Variants in SEC24C observed in about 807,000 individuals in gnomAD.
SEC24C encodes SEC24 homolog C, COPII component.
A neutral mutation model predicts 117.0 loss-of-function variants in SEC24C; 22 were observed. The observed-to-expected ratio is 0.19, with a 90% confidence interval of 0.13 to 0.27. The LOEUF (loss-of-function observed/expected upper bound fraction) is 0.27. SEC24C is among the 10% of genes least tolerant of loss of function. The pLI is 1.00. For missense variants in SEC24C, 1,155 were observed against 1,375.1 expected, an observed-to-expected ratio of 0.84 and a Z score of 2.53; for synonymous variants, 506 against 529.4, an observed-to-expected ratio of 0.96 and a Z score of 0.61.
chr10:73,769,514 T>C lies in SEC24C; in HGVS notation c.2563+29T>C, dbSNP rs1396450823. 12 of 1,613,880 alleles carry C rather than the reference T, an allele frequency of 7.4e-6. No individual in the cohort carries two copies. The highest frequency in any genetic ancestry group is 4.5e-5 in the East Asian group (2 of 44,882). On this transcript the variant is annotated intron_variant, in intron 18 of 22. Transcript: ENST00000345254. This position sits in a 1 kb window ranked among gnomAD's most constrained non-coding sequence, Gnocchi z 4.5. ...AGGGTAGAAGCAGGGCAGGGTGGGA[T>C]TGGGGCTGAGAGGTCCAGGATGGTG...
intron 3 of SEC24C, among the ~76,000 whole-genome samples, chr10:73,752,676 G>A (rs1210532600): frequency 3.3e-5 from 5 of 151,898 alleles, no homozygotes; most frequent in Admixed American, 2.0e-4. Context: ...ACATTGGTCC[G>A]TGCTGGGTGC....
chr10:73,746,932 T>C lies in SEC24C; in HGVS notation c.100T>C (p.Ser34Pro), dbSNP rs1431915201. Residue 34 changes from serine (S) to proline (P), a missense_variant, in exon 2 of 23, where the codon TCC becomes CCC. Transcript: ENST00000345254. ...GTCCAGCTATGGTGGGCAATCAGGG[T>C]CCACAGCCCCCGCCATTCCCTATGG... ...HQSSYGGQSGSTAPAIPYGAY... is the reference protein window; with the variant it reads ...HQSSYGGQSGPTAPAIPYGAY... 1 of 1,614,066 alleles carries C rather than the reference T, an allele frequency of 6.2e-7. No homozygotes were observed. The highest frequency in any genetic ancestry group is 1.7e-5 in the Admixed American group (1 of 59,998).
At chr10:73,763,666 G>GAT in intron 7 of SEC24C, 65 bp downstream of exon 7, 2 of 212,426 alleles carry the variant, frequency 9.4e-6, no homozygotes, top group South Asian at 1.2e-4. Flanking sequence ...TATGGTTGGG[G>GAT]CTTTTTTTTT....
intron 3 of SEC24C, among the ~76,000 whole-genome samples, chr10:73,758,976 C>G (rs150042096): frequency 4.8e-4 from 73 of 152,192 alleles, no homozygotes; most frequent in African/African-American, 1.7e-3. Flanking sequence ...CGGGCAGATT[C>G]GTTGAGCTCA....
chr10:73,770,465 T>C lies in SEC24C; in HGVS notation c.3048T>C (p.Ser1016=). ...FSVSSFSQIT[S]GLSVLPVLDN... The stretch of plus-strand genomic sequence containing the variant: ...TCTCCTCCTTCAGTCAGATCACCAG[T>C]GGTTTGGTGAGGGCAGGGAGTCAAG... Residue 1016 remains serine, a synonymous_variant, in exon 21 of 23, where the codon AGT becomes AGC. Transcript: ENST00000345254. 2 of 1,613,890 alleles carry C rather than the reference T, an allele frequency of 1.2e-6. No individual in the cohort carries two copies. Among genetic ancestry groups the C allele is most frequent in the Non-Finnish European group, 1.7e-6 (2 of 1,179,946 alleles).
chr10:73,758,500 C>A (rs973026131), intron 3 of SEC24C, among the ~76,000 whole-genome samples: 1 of 152,156 alleles, frequency 6.6e-6, no homozygotes, highest in African/African-American at 2.4e-5. Flanking sequence ...AGTTTTAGAA[C>A]ATTTTCATCA....
intron 3 of SEC24C, among the ~76,000 whole-genome samples, chr10:73,755,362 G>A (rs1254167883): frequency 6.6e-6 from 1 of 152,038 alleles, no homozygotes; most frequent in Non-Finnish European, 1.5e-5. Flanking sequence ...TAGAGATAAA[G>A]AAAACTACCC....
chr10:73,745,309 G>A (rs1480494678), intron 1 of SEC24C, among the ~76,000 whole-genome samples: 1 of 151,952 alleles, frequency 6.6e-6, no homozygotes, highest in Non-Finnish European at 1.5e-5. Flanking sequence ...TTTTGATGGT[G>A]GCTGAGATTC....
chr10:73,770,648 G>A (rs1766106905), intron 21 of SEC24C, 61 bp from the exon 22 acceptor site: 14 of 1,564,594 alleles, frequency 8.9e-6, no homozygotes, highest in African/African-American at 1.4e-5. Context: ...CATGTATGCT[G>A]CCCCACCTTG....
chr10:73,764,082 T>C, intron 8 of SEC24C, 99 bp downstream of exon 8: 1 of 1,420,312 alleles, frequency 7.0e-7, no homozygotes. Context: ...CAATGGAAGA[T>C]ATTTTAGTTA....
intron 14 of SEC24C, 81 bp from the exon 15 acceptor site, chr10:73,767,756 C>T (rs1350802153): frequency 1.9e-6 from 2 of 1,070,240 alleles, no homozygotes; most frequent in Non-Finnish European, 2.6e-6. Context: ...TTTGAATATC[C>T]CATGCTAGAT....
chr10:73,763,675 T>A, intron 7 of SEC24C, 74 bp downstream of exon 7: 1 of 635,200 alleles, frequency 1.6e-6, no homozygotes, highest in Non-Finnish European at 2.3e-6. Flanking sequence ...GGCTTTTTTT[T>A]TTTTTTTTTT....
chr10:73,767,678 A>AAAT (rs2082905905), intron 14 of SEC24C, among the ~76,000 whole-genome samples, 159 bp from the exon 15 acceptor site: 1 of 152,192 alleles, frequency 6.6e-6, no homozygotes, highest in Non-Finnish European at 1.5e-5. Flanking sequence ...AAAAAAATAA[A>AAAT]AATAATATAA....
At chr10:73,752,841 CAAAA>C (rs1299213006) in intron 3 of SEC24C, among the ~76,000 whole-genome samples, 18 of 151,962 alleles carry the variant, frequency 1.2e-4, no homozygotes, top group Admixed American at 9.2e-4. Context: ...CAAAACAAAA[CAAAA>C]AACCCATACG....
At chr10:73,754,605 A>G (rs979870168) in intron 3 of SEC24C, among the ~76,000 whole-genome samples, 4 of 152,144 alleles carry the variant, frequency 2.6e-5, no homozygotes, top group African/African-American at 9.7e-5. Flanking sequence ...CAAGTCCCTC[A>G]TATAAACTCT....
rs1028550343 is a variant in SEC24C, at chr10:73,755,194, C to T, written c.308+3951C>T. ...AGCAGTAGTGAGGTGGGAGATAAGC[C>T]GGGAGAGTGTGGTGTCCTGAAGTCA... is the stretch of plus-strand genomic sequence containing the variant. On this transcript the variant is annotated intron_variant, in intron 3 of 22. Transcript: ENST00000345254. Among the ~76,000 whole-genome samples the T allele has an allele frequency of 1.1e-4, 16 of 151,828 alleles. No individual in the cohort carries two copies. In the East Asian group the frequency reaches 1.9e-3, roughly 18 times the overall value.
rs761016651 is a variant in SEC24C, at chr10:73,760,303, C to T, written c.767C>T (p.Pro256Leu). ...TCTTCACCTCCTCAAGCTCTGCCCC[C>T]TGGCACCCAGATGACTGGGCCCCTG... ...HVSSPPQALP[P>L]GTQMTGPLGP... Residue 256 changes from proline to leucine, a missense_variant, in exon 5 of 23, where the codon CCT becomes CTT. By Grantham distance (98) the Pro-to-Leu change is moderately conservative. Coordinates refer to ENST00000345254, the MANE Select transcript of SEC24C (RefSeq NM_198597.3). 1.2e-6 allele frequency: 2 copies of T among 1,613,560 alleles called. No individual in the cohort carries two copies. Among genetic ancestry groups the T allele is most frequent in the Non-Finnish European group, 1.7e-6 (2 of 1,180,006 alleles).
chr10:73,767,796 A>G (rs898948368), intron 14 of SEC24C, 41 bp from the exon 15 acceptor site: 1 of 1,509,322 alleles, frequency 6.6e-7, no homozygotes, highest in Non-Finnish European at 9.0e-7. Flanking sequence ...CGGAGCTGAG[A>G]TATTTGAACA....
chr10:73,755,353 A>G (rs990800604), intron 3 of SEC24C, among the ~76,000 whole-genome samples: 1 of 152,096 alleles, frequency 6.6e-6, no homozygotes. Flanking sequence ...GTTTCAGTGT[A>G]GAGATAAAGA....
Sources: allele counts gnomAD v4.1 joint callset (sites outside exome capture counted in the v4.1 genomes callset), GRCh38; gene constraint gnomAD v4.1.1; non-coding constraint Gnocchi (gnomAD v3.1); transcripts MANE v1.5; gene names NCBI Gene and HGNC (gene_info 2026-07-23, HGNC 2026-07-21).